UBE2W: variants seen among roughly 807,000 people sequenced by gnomAD.
UBE2W encodes ubiquitin conjugating enzyme E2 W.
Under a neutral mutation model 27.2 loss-of-function variants are expected in UBE2W, and 18 were observed. The observed-to-expected ratio is 0.66, with a 90% CI of 0.46 to 0.98. UBE2W has a LOEUF of 0.98. Ranked by LOEUF, UBE2W falls within the 50% of genes least tolerant of loss-of-function variation. The pLI, the probability that UBE2W is intolerant of heterozygous loss-of-function variation, is 0.00. For missense variants in UBE2W, 90 were observed against 180.2 expected, an observed-to-expected ratio of 0.50 and a Z score of 2.87; for synonymous variants, 53 against 57.2, an observed-to-expected ratio of 0.93 and a Z score of 0.33.
intron 5 of UBE2W, among the ~76,000 whole-genome samples, chr8:73,805,240 G>A (rs955796649): frequency 6.7e-6 from 1 of 149,788 alleles, no homozygotes; most frequent in African/African-American, 2.4e-5. Context: ...GATCACCTGA[G>A]GTCAGGAGTT....
In UBE2W at chr8:73,792,101, G is replaced by A. The variant is rs574336551; in HGVS notation, c.*2001C>T. 65 of 985,018 alleles carry A rather than the reference G, an allele frequency of 6.6e-5. No homozygotes were observed. The highest frequency in any genetic ancestry group is 1.2e-4 in the Admixed American group (2 of 16,238). 61.0% of individuals were successfully genotyped at this position (985,018 alleles called of 1,614,324 possible). A position where few individuals can be genotyped will look rare whatever the true frequency, so the allele number is the denominator to read the frequency against. On this transcript the variant is annotated 3_prime_UTR_variant, in exon 6 of 6. Transcript: ENST00000602593. ...TCAAGTCAAACAGTAGTGTAGAGCAGTTACGCAAAATATGAAAATACATAA... is the reference window on the plus strand; with the variant it reads ...TCAAGTCAAACAGTAGTGTAGAGCAATTACGCAAAATATGAAAATACATAA...
chr8:73,817,746 C>T (rs1390460423), intron 3 of UBE2W, among the ~76,000 whole-genome samples: 1 of 152,174 alleles, frequency 6.6e-6, no homozygotes, highest in African/African-American at 2.4e-5. Context: ...CTCCTGACCT[C>T]AAGTGATCTG....
intron 1 of UBE2W, among the ~76,000 whole-genome samples, chr8:73,865,782 C>T (rs999610873): frequency 3.3e-5 from 5 of 152,042 alleles, no homozygotes; most frequent in Non-Finnish European, 7.4e-5. Context: ...GTACAAAAGA[C>T]TATTCTAATT....
chr8:73,830,635 C>T (rs1296616110), intron 1 of UBE2W, among the ~76,000 whole-genome samples, 163 bp from the exon 2 acceptor site: 1 of 151,590 alleles, frequency 6.6e-6, no homozygotes, highest in Non-Finnish European at 1.5e-5. Flanking sequence ...TACAGGCACA[C>T]ACCACAATGC....
At chr8:73,834,134 G>A (rs1033911594) in intron 1 of UBE2W, 1 of 152,036 alleles carries the variant, frequency 6.6e-6, no homozygotes, top group African/African-American at 2.4e-5. Flanking sequence ...TGTTTTTTCT[G>A]GACAATGAAA....
intron 1 of UBE2W, among the ~76,000 whole-genome samples, chr8:73,878,308 G>A (rs760467951): frequency 2.8e-4 from 43 of 152,254 alleles, no homozygotes; most frequent in Non-Finnish European, 5.4e-4. Flanking sequence ...TGGGAGGCCG[G>A]AGCAGAGGCC....
chr8:73,847,230 A>G (rs529771494), intron 1 of UBE2W, among the ~76,000 whole-genome samples: 90 of 152,130 alleles, frequency 5.9e-4, no homozygotes, highest in Non-Finnish European at 1.0e-3. Context: ...TCACAAAAAC[A>G]CCATAATGGC....
intron 3 of UBE2W, among the ~76,000 whole-genome samples, chr8:73,820,462 C>A (rs1001437693): frequency 5.9e-5 from 9 of 152,158 alleles, no homozygotes; most frequent in Non-Finnish European, 1.3e-4. Context: ...AAAAAGGAAT[C>A]CTCACTGGGC....
At position 73,787,669 on chromosome 8, in the gene UBE2W, C is replaced by G; in HGVS notation, c.*6433G>C. 1.0e-6 allele frequency: 1 copy of G among 985,396 alleles called. No homozygotes were observed. The highest frequency in any genetic ancestry group is 1.2e-6 in the Non-Finnish European group (1 of 829,928). 61.0% of individuals were successfully genotyped at this position (985,396 alleles called of 1,614,324 possible). Reference sequence around the variant, plus strand: ...GGAATAACAGATGCTGAGATAGCCCCTTCTTGTGGTTATTTCTTTCCTCTT... The same window carrying G: ...GGAATAACAGATGCTGAGATAGCCCGTTCTTGTGGTTATTTCTTTCCTCTT... On this transcript the variant is annotated 3_prime_UTR_variant, in exon 6 of 6. Transcript: ENST00000602593.
At chr8:73,797,302 G>C (rs1808462881) in intron 5 of UBE2W, among the ~76,000 whole-genome samples, 1 of 152,086 alleles carries the variant, frequency 6.6e-6, no homozygotes, top group African/African-American at 2.4e-5. Context: ...AGAAAAAAAA[G>C]GAACACAGTA....
At chr8:73,840,556 A>G (rs1440010073) in intron 1 of UBE2W, among the ~76,000 whole-genome samples, 1 of 152,244 alleles carries the variant, frequency 6.6e-6, no homozygotes, top group Non-Finnish European at 1.5e-5. Flanking sequence ...AATTGATAAA[A>G]TTCCTTACTT....
At chr8:73,811,761 A>G (rs987204700) in intron 3 of UBE2W, among the ~76,000 whole-genome samples, 3 of 152,148 alleles carry the variant, frequency 2.0e-5, no homozygotes, top group Non-Finnish European at 4.4e-5. Context: ...GTACAACAGA[A>G]TATCAGTAAG....
At chr8:73,809,983 C>T (rs957569685) in intron 4 of UBE2W, among the ~76,000 whole-genome samples, 4 of 151,984 alleles carry the variant, frequency 2.6e-5, no homozygotes, top group East Asian at 3.9e-4. Flanking sequence ...CAGGAAGAAA[C>T]GCCCTGAAAA....
At chr8:73,861,147 T>C (rs1336549347) in intron 1 of UBE2W, among the ~76,000 whole-genome samples, 2 of 151,996 alleles carry the variant, frequency 1.3e-5, no homozygotes, top group African/African-American at 2.4e-5. Context: ...AAAATGGAAA[T>C]TCAACATAAA....
Position 73,794,225 on chromosome 8 carries a change from A to C in UBE2W, c.443-110T>G, listed in dbSNP as rs369598404. ...TCAATTAGCAAGAAGTACATAGTTT[A>C]CATGTCTGATCTGCCTCCCCCAAAC... On this transcript the variant is annotated intron_variant, in intron 5 of 5. Coordinates refer to ENST00000602593, the MANE Select transcript of UBE2W (RefSeq NM_018299.6). 9 of 1,353,352 alleles carry C rather than the reference A, an allele frequency of 6.7e-6. No homozygotes were observed. The South Asian group carries it at 1.2e-4, about 18-fold the overall frequency. The allele number at this position is 1,353,352 out of a possible 1,614,324, so 83.8% of individuals were successfully genotyped here. A position where few individuals can be genotyped will look rare whatever the true frequency, so the allele number is the denominator to read the frequency against.
intron 4 of UBE2W, among the ~76,000 whole-genome samples, chr8:73,806,496 G>C (rs1213462446): frequency 2.7e-5 from 4 of 147,108 alleles, no homozygotes. Context: ...CCAGGAGATC[G>C]AGACCATCCT....
rs576990684 is a variant in UBE2W at position 73,791,458 on chromosome 8, G to A, written c.*2644C>T. 2.9e-5 allele frequency: 29 copies of A among 985,120 alleles called. No individual in the cohort carries two copies. The South Asian group carries it at 9.9e-4, about 34-fold the overall frequency. 61.0% of individuals were successfully genotyped at this position (985,120 alleles called of 1,614,324 possible). On this transcript the variant is annotated 3_prime_UTR_variant, in exon 6 of 6. Transcript: ENST00000602593. Reference sequence around the variant, plus strand: ...AAGTCTAATTCTGTAGGCCTATGTCGCAAATAGTGCCCCACGAGGAAATGC... The same window carrying A: ...AAGTCTAATTCTGTAGGCCTATGTCACAAATAGTGCCCCACGAGGAAATGC...
At chr8:73,827,263 G>A (rs1386098799) in intron 2 of UBE2W, among the ~76,000 whole-genome samples, 1 of 152,096 alleles carries the variant, frequency 6.6e-6, no homozygotes, top group South Asian at 2.1e-4. Flanking sequence ...GCCCAGGCTG[G>A]AGTGCAATGG....
At chr8:73,802,782 G>A (rs539533044) in intron 5 of UBE2W, among the ~76,000 whole-genome samples, 1 of 152,172 alleles carries the variant, frequency 6.6e-6, no homozygotes, top group Non-Finnish European at 1.5e-5. Flanking sequence ...CCAGCACTTT[G>A]GGAGGCCGAG....
Sources: gnomAD v4.1 joint callset for allele counts (sites outside exome capture counted in the v4.1 genomes callset) on GRCh38, gnomAD v4.1.1 for gene constraint, MANE v1.5 for transcripts, NCBI Gene and HGNC (gene_info 2026-07-23, HGNC 2026-07-21) for gene names.